The following CHST11 variants were observed in gnomAD, a reference collection of about 807,000 sequenced individuals.
The protein encoded by CHST11 is carbohydrate sulfotransferase 11, also known as C4S-1.
In CHST11, 9 loss-of-function variants were observed where a neutral mutation model predicts 30.4. The observed-to-expected ratio is 0.30, with a 90% CI of 0.18 to 0.52. The LOEUF is 0.52. Ranked by LOEUF, CHST11 falls within the 20% of genes least tolerant of loss-of-function variation. CHST11 has a pLI of 0.97. For synonymous variants in CHST11, 152 were observed against 187.8 expected (o/e 0.81, Z 1.56); for missense variants, 348 against 460.6 (o/e 0.76, Z 2.24).
intron 2 of CHST11, among the ~76,000 whole-genome samples, chr12:104,692,293 G>T (rs777086072): frequency 3.3e-5 from 5 of 152,326 alleles, no homozygotes; most frequent in Non-Finnish European, 5.9e-5. Context: ...CTGAAGTCGG[G>T]CATTGTCCAT....
At chr12:104,518,298 C>T (rs980517208) in intron 1 of CHST11, among the ~76,000 whole-genome samples, 20 of 152,014 alleles carry the variant, frequency 1.3e-4, no homozygotes, top group Non-Finnish European at 2.4e-4. Context: ...AAAAAATAAA[C>T]ATAAAAATAA....
chr12:104,576,768 C>T (rs1050885069), intron 1 of CHST11, among the ~76,000 whole-genome samples: 4 of 152,104 alleles, frequency 2.6e-5, no homozygotes, highest in Non-Finnish European at 4.4e-5. Flanking sequence ...TTCTGGGCCT[C>T]GAGATAGGCC....
intron 1 of CHST11, among the ~76,000 whole-genome samples, chr12:104,554,788 G>A (rs12823926): frequency 0.36 from 54,743 of 152,084 alleles, 10,307 homozygotes; most frequent in Middle Eastern, 0.55. Context: ...CCCTCAGAGA[G>A]CCATCTTATG....
At chr12:104,604,208 C>T (rs1443630170) in intron 2 of CHST11, among the ~76,000 whole-genome samples, 1 of 152,092 alleles carries the variant, frequency 6.6e-6, no homozygotes, top group African/African-American at 2.4e-5. Flanking sequence ...TGAGCATTGT[C>T]TGGATGACAG....
intron 1 of CHST11, among the ~76,000 whole-genome samples, chr12:104,570,852 G>A (rs1250416739): frequency 5.3e-5 from 8 of 151,892 alleles, no homozygotes; most frequent in Non-Finnish European, 7.4e-5. Flanking sequence ...CACCACACCC[G>A]GCTATTTTTT....
intron 1 of CHST11, among the ~76,000 whole-genome samples, chr12:104,559,460 C>T (rs1044745490): frequency 3.9e-5 from 6 of 152,120 alleles, no homozygotes; most frequent in South Asian, 2.1e-4. Context: ...CAAGTGAACA[C>T]GGCTGGGCGC....
chr12:104,589,632 G>A (rs2038838184), intron 1 of CHST11, among the ~76,000 whole-genome samples: 1 of 152,124 alleles, frequency 6.6e-6, no homozygotes, highest in African/African-American at 2.4e-5. Flanking sequence ...TAACAAAAAA[G>A]CAAAACTGCA....
intron 1 of CHST11, among the ~76,000 whole-genome samples, chr12:104,546,689 T>A (rs59857332): frequency 0.046 from 6,992 of 152,194 alleles, 574 homozygotes; most frequent in African/African-American, 0.16. Context: ...AAAGTTTTCT[T>A]GTCAGGCTAC....
intron 2 of CHST11, among the ~76,000 whole-genome samples, chr12:104,732,864 C>T (rs923753294): frequency 1.3e-5 from 2 of 152,240 alleles, no homozygotes; most frequent in Non-Finnish European, 2.9e-5. Context: ...GCAGTGACAT[C>T]GGAATTGGAA....
intron 1 of CHST11, among the ~76,000 whole-genome samples, chr12:104,463,272 C>A (rs1386913151): frequency 6.6e-6 from 1 of 152,042 alleles, no homozygotes; most frequent in African/African-American, 2.4e-5. Flanking sequence ...AGTCATTCTG[C>A]TGATTCATTT....
intron 1 of CHST11, among the ~76,000 whole-genome samples, chr12:104,588,374 C>G (rs991593758): frequency 1.1e-4 from 17 of 152,186 alleles, no homozygotes; most frequent in Non-Finnish European, 2.1e-4. Context: ...ATTTTGGCAT[C>G]TCAAACAATA....
chr12:104,696,614 C>T (rs187725272), intron 2 of CHST11, among the ~76,000 whole-genome samples: 6 of 151,820 alleles, frequency 4.0e-5, no homozygotes, highest in East Asian at 1.9e-4. Flanking sequence ...TGAAGTGAGC[C>T]GAGATCACGG....
chr12:104,529,540 T>A (rs76409266), intron 1 of CHST11, among the ~76,000 whole-genome samples: 6,672 of 152,290 alleles, frequency 0.044, 502 homozygotes, highest in African/African-American at 0.15. Flanking sequence ...TGATACATGG[T>A]CAGGGTAGAC....
intron 1 of CHST11, among the ~76,000 whole-genome samples, chr12:104,457,802 T>G (rs12426921): frequency 7.2e-6 from 1 of 139,408 alleles, no homozygotes; most frequent in African/African-American, 2.7e-5. Context: ...TTTTTTTTTT[T>G]TTCTTCTTCT....
intron 1 of CHST11, among the ~76,000 whole-genome samples, chr12:104,492,491 C>T (rs1042847238): frequency 1.1e-4 from 17 of 152,234 alleles, no homozygotes; most frequent in African/African-American, 4.1e-4. Context: ...CTCTGCCCCT[C>T]ACTATGTGTC....
intron 2 of CHST11, among the ~76,000 whole-genome samples, chr12:104,612,595 C>T (rs1042396297): frequency 2.0e-5 from 3 of 152,162 alleles, no homozygotes; most frequent in African/African-American, 7.2e-5. Flanking sequence ...TTGGAGGGGA[C>T]ACAATTCAAT....
chr12:104,489,899 A>G (rs1487268905), intron 1 of CHST11, among the ~76,000 whole-genome samples: 1 of 152,216 alleles, frequency 6.6e-6, no homozygotes, highest in African/African-American at 2.4e-5. Context: ...TGATCTCTCC[A>G]TATGCTCTCA....
At chr12:104,464,862 C>T (rs911354257) in intron 1 of CHST11, among the ~76,000 whole-genome samples, 1 of 152,180 alleles carries the variant, frequency 6.6e-6, no homozygotes, top group Non-Finnish European at 1.5e-5. Context: ...AATGGATCAG[C>T]GCTCTGGGAG....
intron 2 of CHST11, among the ~76,000 whole-genome samples, chr12:104,724,643 C>T (rs1566054868): frequency 6.6e-6 from 1 of 152,022 alleles, no homozygotes; most frequent in Non-Finnish European, 1.5e-5. Flanking sequence ...TGAGGCTCAC[C>T]GTGGGCTTTC....
Sources: gnomAD v4.1 joint callset for allele counts (sites outside exome capture counted in the v4.1 genomes callset) on GRCh38, gnomAD v4.1.1 for gene constraint, MANE v1.5 for transcripts, NCBI Gene and HGNC (gene_info 2026-07-23, HGNC 2026-07-21) for gene names.